Variants in DOCK3 observed in about 807,000 individuals in gnomAD.
The protein encoded by DOCK3 is dedicator of cytokinesis protein 3.
In DOCK3, 60 loss-of-function variants were observed where a neutral mutation model predicts 265.6. That is an observed-to-expected ratio of 0.23 (90% CI 0.18 to 0.28). The LOEUF (loss-of-function observed/expected upper bound fraction) is 0.28, where lower values mean the gene tolerates loss of function less well. Among genes scored for constraint, DOCK3 ranks in the 10% least tolerant of loss-of-function variants. The probability of loss-of-function intolerance (pLI) is 1.00; values close to 1 mark genes in which losing one functional copy is unlikely to be tolerated. For missense variants in DOCK3, 1,981 were observed against 2,594.3 expected (o/e 0.76, Z 5.14); for synonymous variants, 881 against 938.0 (o/e 0.94, Z 1.11).
intron 49 of DOCK3, among the ~76,000 whole-genome samples, chr3:51,370,707 T>G (rs1559428836): frequency 1.3e-5 from 2 of 152,224 alleles, no homozygotes. Flanking sequence ...TCAAATGGCT[T>G]GGTTATCTGT....
chr3:51,200,491 A>T (rs2088656676), intron 12 of DOCK3, among the ~76,000 whole-genome samples: 1 of 136,246 alleles, frequency 7.3e-6, no homozygotes, highest in Non-Finnish European at 1.6e-5. Context: ...AAAAAGAAAC[A>T]AACAAAGCCT....
chr3:51,355,128 T>C (rs2086275789), intron 41 of DOCK3, 105 bp downstream of exon 41: 4 of 1,440,958 alleles, frequency 2.8e-6, no homozygotes, highest in Non-Finnish European at 3.7e-6. Context: ...CAGGTTTAGA[T>C]ATCCCATAGT....
At chr3:51,067,123 C>G (rs1346085884) in intron 6 of DOCK3, among the ~76,000 whole-genome samples, 2 of 152,040 alleles carry the variant, frequency 1.3e-5, no homozygotes, top group Non-Finnish European at 2.9e-5. Flanking sequence ...TACTGTGTGC[C>G]AAGCAAATTG....
intron 4 of DOCK3, among the ~76,000 whole-genome samples, chr3:50,905,186 C>T (rs747722862): frequency 1.2e-4 from 19 of 152,190 alleles, no homozygotes; most frequent in African/African-American, 4.1e-4. Context: ...AGTTTGAAGT[C>T]AGGTAGTGTG....
chr3:51,234,110 C>T (rs1257871103), intron 19 of DOCK3, among the ~76,000 whole-genome samples: 1 of 152,158 alleles, frequency 6.6e-6, no homozygotes, highest in East Asian at 1.9e-4. Context: ...TTCTCATCAA[C>T]AGTGCATAAG....
chr3:51,338,837 C>G (rs1003242193), intron 36 of DOCK3, 98 bp from the exon 37 acceptor site: 7 of 1,012,920 alleles, frequency 6.9e-6, no homozygotes, highest in South Asian at 1.4e-5. Flanking sequence ...CCTGCCCTCC[C>G]CCTCCTGCCC....
chr3:50,964,833 T>C (rs1221647546), intron 5 of DOCK3, among the ~76,000 whole-genome samples: 1 of 151,924 alleles, frequency 6.6e-6, no homozygotes, highest in Admixed American at 6.6e-5. Flanking sequence ...CACACTATAA[T>C]CAGTTTACTC....
chr3:51,014,536 A>G (rs2079078414), intron 5 of DOCK3, among the ~76,000 whole-genome samples: 1 of 114,454 alleles, frequency 8.7e-6, no homozygotes, highest in African/African-American at 3.6e-5. Flanking sequence ...TCAACATGGT[A>G]TACAAACTCT....
At chr3:51,200,010 C>T (rs1330775515) in intron 12 of DOCK3, among the ~76,000 whole-genome samples, 1 of 152,076 alleles carries the variant, frequency 6.6e-6, no homozygotes, top group Admixed American at 6.5e-5. Context: ...ACAGAAAGGA[C>T]ATCCACACCA....
chr3:51,312,399 C>T lies in DOCK3; in HGVS notation c.3094-77C>T, dbSNP rs2083124170. The T allele has an allele frequency of 5.8e-6, 7 of 1,199,922 alleles. No homozygotes were observed. In the South Asian group the frequency reaches 6.5e-5, roughly 11 times the overall value. 74.3% of individuals were successfully genotyped at this position (1,199,922 alleles called of 1,614,324 possible). ...AGATTGTAAAATGGGTTCTATGCTACATGCATGTATTTAGTAACGCTCCCT... is the reference window on the plus strand; with the variant it reads ...AGATTGTAAAATGGGTTCTATGCTATATGCATGTATTTAGTAACGCTCCCT... On this transcript the variant is annotated intron_variant, in intron 29 of 52. Transcript: ENST00000266037.
intron 12 of DOCK3, among the ~76,000 whole-genome samples, chr3:51,200,372 A>C (rs2088639829): frequency 6.7e-6 from 1 of 148,980 alleles, no homozygotes; most frequent in South Asian, 2.2e-4. Context: ...GCTCGAGAAC[A>C]ACGTGAAGAA....
chr3:51,059,272 C>T (rs1405773911), intron 5 of DOCK3, among the ~76,000 whole-genome samples: 1 of 152,116 alleles, frequency 6.6e-6, no homozygotes, highest in Non-Finnish European at 1.5e-5. Flanking sequence ...GGGCTTGGCC[C>T]TTATAACCTA....
At chr3:51,228,117 A>G (rs764519512) in intron 17 of DOCK3, 29 bp downstream of exon 17, 2 of 1,605,760 alleles carry the variant, frequency 1.2e-6, no homozygotes, top group Non-Finnish European at 1.7e-6. Context: ...TTTCATCCCC[A>G]CCCCTTACCT....
intron 3 of DOCK3, among the ~76,000 whole-genome samples, chr3:50,885,429 T>C (rs1026525828): frequency 6.6e-6 from 1 of 151,038 alleles, no homozygotes; most frequent in African/African-American, 2.4e-5. Flanking sequence ...CCTAGGTGTG[T>C]AATTGCTGGA....
intron 51 of DOCK3, chr3:51,379,310 G>A (rs1553617670): frequency 2.3e-6 from 2 of 887,514 alleles, no homozygotes; most frequent in East Asian, 1.2e-4. Context: ...CTTGGCCAGC[G>A]TTTTTAGTTC....
At chr3:51,055,818 T>C (rs1409798432) in intron 5 of DOCK3, among the ~76,000 whole-genome samples, 1 of 152,202 alleles carries the variant, frequency 6.6e-6, no homozygotes, top group African/African-American at 2.4e-5. Flanking sequence ...CTCTGTGGAA[T>C]AGAAAGATTT....
chr3:50,680,418 T>G (rs2034315142), intron 1 of DOCK3, among the ~76,000 whole-genome samples: 1 of 151,656 alleles, frequency 6.6e-6, no homozygotes, highest in Non-Finnish European at 1.5e-5. Flanking sequence ...TTCACCATAT[T>G]GGCCAGGCCG....
At chr3:51,148,920 A>G (rs1052838278) in intron 10 of DOCK3, among the ~76,000 whole-genome samples, 16 of 152,190 alleles carry the variant, frequency 1.1e-4, no homozygotes, top group Non-Finnish European at 1.8e-4. Context: ...TTGAATCTAT[A>G]AATTACCTTG....
At chr3:51,187,980 A>G (rs530186674) in intron 12 of DOCK3, among the ~76,000 whole-genome samples, 34 of 152,284 alleles carry the variant, frequency 2.2e-4, no homozygotes, top group African/African-American at 7.7e-4. Flanking sequence ...GCCTTCATGT[A>G]ATATGATTGT....
Sources: allele counts gnomAD v4.1 joint callset (sites outside exome capture counted in the v4.1 genomes callset), GRCh38; gene constraint gnomAD v4.1.1; transcripts MANE v1.5; gene names NCBI Gene and HGNC (gene_info 2026-07-23, HGNC 2026-07-21).